Variants in SCHIP1 observed in about 807,000 individuals in gnomAD.
SCHIP1 encodes the protein schwannomin interacting protein 1.
Under a neutral mutation model 29.7 loss-of-function variants are expected in SCHIP1, and 8 were observed. The observed-to-expected ratio is 0.27, with a 90% confidence interval of 0.16 to 0.49. The LOEUF is 0.49. Ranked by LOEUF, SCHIP1 falls within the 20% of genes least tolerant of loss-of-function variation. SCHIP1 has a pLI of 0.99. For missense variants in SCHIP1, 193 were observed against 294.6 expected (o/e 0.66, Z 2.52); for synonymous variants, 76 against 94.9 (o/e 0.80, Z 1.16).
the SCHIP1 span, among the ~76,000 whole-genome samples, chr3:159,367,285 G>A: frequency 1.3e-5 from 2 of 151,994 alleles, no homozygotes; most frequent in African/African-American, 2.4e-5. Flanking sequence ...CCAGCTGCTC[G>A]GGAGGCTGAG....
the SCHIP1 span, among the ~76,000 whole-genome samples, chr3:159,794,795 G>A: frequency 1.3e-5 from 2 of 152,178 alleles, no homozygotes; most frequent in South Asian, 4.1e-4. Context: ...TAATAAAATG[G>A]TAGGTCTCAC....
the SCHIP1 span, among the ~76,000 whole-genome samples, chr3:159,775,274 T>C: frequency 6.6e-6 from 1 of 152,218 alleles, no homozygotes; most frequent in Non-Finnish European, 1.5e-5. Flanking sequence ...CAGGAAAGTG[T>C]GTGGGGTTGG....
chr3:159,345,401 C>G, the SCHIP1 span, among the ~76,000 whole-genome samples: 1 of 152,164 alleles, frequency 6.6e-6, no homozygotes, highest in African/African-American at 2.4e-5. Context: ...TTATCTTAGT[C>G]TCACTGTGAT....
the SCHIP1 span, among the ~76,000 whole-genome samples, chr3:159,513,720 G>T: frequency 2.0e-5 from 3 of 152,162 alleles, no homozygotes; most frequent in African/African-American, 7.2e-5. Context: ...TCCAGACAAC[G>T]GCACAGAAAG....
At chr3:159,486,982 T>C in the SCHIP1 span, among the ~76,000 whole-genome samples, 2 of 152,184 alleles carry the variant, frequency 1.3e-5, no homozygotes, top group African/African-American at 4.8e-5. Context: ...TAGATATTTT[T>C]TGGCAGCTAG....
At chr3:159,470,965 C>T in the SCHIP1 span, among the ~76,000 whole-genome samples, 1 of 151,856 alleles carries the variant, frequency 6.6e-6, no homozygotes, top group African/African-American at 2.4e-5. Context: ...AAAATCAAAC[C>T]AGTGGTTGCC....
intron 1 of SCHIP1, among the ~76,000 whole-genome samples, chr3:159,855,857 G>GTCAC (rs1713288274): frequency 6.6e-6 from 1 of 152,080 alleles, no homozygotes; most frequent in South Asian, 2.1e-4. Context: ...AGGGGGAAAG[G>GTCAC]TCACTTTCTG....
the SCHIP1 span, among the ~76,000 whole-genome samples, chr3:159,777,103 T>TA: frequency 1.8e-4 from 27 of 152,350 alleles, no homozygotes; most frequent in African/African-American, 6.3e-4. Context: ...TCTTGACTAT[T>TA]ACATATTGGC....
chr3:159,445,562 A>G, the SCHIP1 span, among the ~76,000 whole-genome samples: 1 of 152,256 alleles, frequency 6.6e-6, no homozygotes, highest in South Asian at 2.1e-4. Flanking sequence ...ATGCTGCTAT[A>G]AAGACACATG....
At chr3:159,821,616 C>G in the SCHIP1 span, among the ~76,000 whole-genome samples, 1 of 152,234 alleles carries the variant, frequency 6.6e-6, no homozygotes, top group Non-Finnish European at 1.5e-5. Context: ...CAGTTCGAAG[C>G]ATGACAGTGA....
chr3:159,308,049 G>A, the SCHIP1 span, among the ~76,000 whole-genome samples: 1 of 151,704 alleles, frequency 6.6e-6, no homozygotes, highest in Non-Finnish European at 1.5e-5. Flanking sequence ...GGATTGCTTT[G>A]GTTATTTAGG....
the SCHIP1 span, among the ~76,000 whole-genome samples, chr3:159,627,995 A>C: frequency 2.6e-5 from 4 of 152,360 alleles, no homozygotes; most frequent in African/African-American, 9.6e-5. Flanking sequence ...GATCCTAAGA[A>C]ATAAATTAAT....
the SCHIP1 span, among the ~76,000 whole-genome samples, chr3:159,674,311 G>A: frequency 6.6e-6 from 1 of 152,064 alleles, no homozygotes; most frequent in African/African-American, 2.4e-5. Context: ...CAGGGAGAGG[G>A]GCACCAAGCT....
At chr3:159,277,951 G>A in the SCHIP1 span, among the ~76,000 whole-genome samples, 5 of 151,692 alleles carry the variant, frequency 3.3e-5, no homozygotes, top group East Asian at 3.9e-4. Context: ...ATTTTTCAAC[G>A]GTATAGGAAT....
the SCHIP1 span, among the ~76,000 whole-genome samples, chr3:159,468,949 G>A: frequency 6.6e-6 from 1 of 151,408 alleles, no homozygotes; most frequent in South Asian, 2.1e-4. Context: ...TGTATATTTA[G>A]TAAAGACGGG....
At chr3:159,636,684 C>T in the SCHIP1 span, among the ~76,000 whole-genome samples, 9 of 152,258 alleles carry the variant, frequency 5.9e-5, no homozygotes, top group South Asian at 1.7e-3. Flanking sequence ...TAGGTTAAAA[C>T]ATTTATTTTT....
At chr3:159,405,946 A>G in the SCHIP1 span, among the ~76,000 whole-genome samples, 1 of 151,900 alleles carries the variant, frequency 6.6e-6, no homozygotes, top group South Asian at 2.1e-4. Flanking sequence ...TAAAAAGAAT[A>G]AAACGTGCCT....
chr3:159,379,423 A>G, the SCHIP1 span, among the ~76,000 whole-genome samples: 1 of 152,124 alleles, frequency 6.6e-6, no homozygotes. Context: ...GGGTTTCACC[A>G]TGTTGGCCAG....
At chr3:159,470,030 G>T in the SCHIP1 span, among the ~76,000 whole-genome samples, 1 of 151,986 alleles carries the variant, frequency 6.6e-6, no homozygotes, top group Admixed American at 6.6e-5. Flanking sequence ...TCACCAGCTT[G>T]TTAGACATGA....
Sources: allele counts gnomAD v4.1 joint callset (sites outside exome capture counted in the v4.1 genomes callset), GRCh38; gene constraint gnomAD v4.1.1; transcripts MANE v1.5; gene names NCBI Gene and HGNC (gene_info 2026-07-23, HGNC 2026-07-21).